FOXN3: variants seen among roughly 807,000 people sequenced by gnomAD.
The protein encoded by FOXN3 is forkhead box protein N3.
A neutral mutation model predicts 38.4 loss-of-function variants in FOXN3; 7 were observed. The observed-to-expected ratio is 0.18, with a 90% CI of 0.10 to 0.34. FOXN3 has a LOEUF of 0.34. Ranked by LOEUF, FOXN3 falls within the 10% of genes least tolerant of loss-of-function variation. The probability of loss-of-function intolerance (pLI) is 1.00; values close to 1 mark genes in which losing one functional copy is unlikely to be tolerated. For synonymous variants in FOXN3, 230 were observed against 242.2 expected (o/e 0.95, Z 0.47); for missense variants, 456 against 613.4 (o/e 0.74, Z 2.71).
intron 4 of FOXN3, among the ~76,000 whole-genome samples, chr14:89,257,337 G>A (rs1431066944): frequency 6.6e-6 from 1 of 152,220 alleles, no homozygotes; most frequent in African/African-American, 2.4e-5. Flanking sequence ...AAAGGAAATT[G>A]TATTCAAACC....
At chr14:89,475,646 C>A (rs923782989) in intron 1 of FOXN3, among the ~76,000 whole-genome samples, 2 of 152,062 alleles carry the variant, frequency 1.3e-5, no homozygotes, top group Non-Finnish European at 1.5e-5. Context: ...CAGAGTGAGA[C>A]CCTATCTCAA....
At chr14:89,203,658 T>C (rs949477667) in intron 4 of FOXN3, among the ~76,000 whole-genome samples, 9 of 152,138 alleles carry the variant, frequency 5.9e-5, no homozygotes, top group African/African-American at 2.2e-4. Context: ...AGCATGTGCA[T>C]GGGGCAGGCA....
intron 2 of FOXN3, among the ~76,000 whole-genome samples, chr14:89,381,160 A>C (rs1434745031): frequency 3.4e-5 from 5 of 144,966 alleles, no homozygotes; most frequent in Admixed American, 1.4e-4. Context: ...AAAAAAAAAA[A>C]AAAAAAAAAG....
chr14:89,202,691 G>A (rs750388220), intron 4 of FOXN3, among the ~76,000 whole-genome samples: 5 of 152,026 alleles, frequency 3.3e-5, no homozygotes, highest in Admixed American at 6.6e-5. Flanking sequence ...AAAGAGCCTG[G>A]CACCTCCCTC....
At chr14:89,240,250 T>C (rs1424496724) in intron 4 of FOXN3, among the ~76,000 whole-genome samples, 2 of 149,324 alleles carry the variant, frequency 1.3e-5, no homozygotes, top group Admixed American at 1.3e-4. Flanking sequence ...TTGGAAAATA[T>C]GATGTAACAA....
chr14:89,457,019 T>C (rs1892741099), intron 1 of FOXN3, among the ~76,000 whole-genome samples: 1 of 152,324 alleles, frequency 6.6e-6, no homozygotes, highest in African/African-American at 2.4e-5. Flanking sequence ...GTATCACCGT[T>C]ATTAATGATT....
intron 1 of FOXN3, among the ~76,000 whole-genome samples, chr14:89,487,914 T>C (rs1295311704): frequency 6.6e-6 from 1 of 152,024 alleles, no homozygotes; most frequent in African/African-American, 2.4e-5. Context: ...GACAGAATTT[T>C]AACAACAACA....
chr14:89,288,785 G>A (rs917516870), intron 3 of FOXN3, among the ~76,000 whole-genome samples: 16 of 127,464 alleles, frequency 1.3e-4, no homozygotes, highest in South Asian at 5.5e-4. Context: ...CACTGGGTCC[G>A]TAAGCATTAT....
intron 1 of FOXN3, among the ~76,000 whole-genome samples, chr14:89,536,545 G>C (rs1894691477): frequency 6.6e-6 from 1 of 152,220 alleles, no homozygotes; most frequent in Non-Finnish European, 1.5e-5. Flanking sequence ...ACTTTGGGAG[G>C]CCGAGGCGGG....
intron 1 of FOXN3, among the ~76,000 whole-genome samples, chr14:89,600,085 A>C (rs139983269): frequency 1.3e-5 from 2 of 152,280 alleles, no homozygotes; most frequent in African/African-American, 4.8e-5. Context: ...TTCCAAACTG[A>C]CTTTTTTTCT....
chr14:89,559,332 T>C (rs1895198954), intron 1 of FOXN3, among the ~76,000 whole-genome samples: 1 of 152,020 alleles, frequency 6.6e-6, no homozygotes, highest in Non-Finnish European at 1.5e-5. Context: ...TGAGCTTTGA[T>C]CACCACTGCA....
At chr14:89,552,268 A>G (rs1895019986) in intron 1 of FOXN3, among the ~76,000 whole-genome samples, 1 of 152,236 alleles carries the variant, frequency 6.6e-6, no homozygotes, top group Non-Finnish European at 1.5e-5. Context: ...AAGTGGGGCC[A>G]GAAAAATTCT....
chr14:89,311,147 A>G (rs537782689), intron 3 of FOXN3, among the ~76,000 whole-genome samples: 169 of 147,756 alleles, frequency 1.1e-3, no homozygotes, highest in Non-Finnish European at 2.2e-3. Flanking sequence ...AAAAAATCTT[A>G]TATCTTTTAA....
intron 4 of FOXN3, among the ~76,000 whole-genome samples, chr14:89,200,754 C>G (rs10140607): frequency 0.011 from 1,615 of 152,332 alleles, 28 homozygotes; most frequent in African/African-American, 0.037. Flanking sequence ...AACGCATCAC[C>G]TCCAGCCCTT....
chr14:89,584,714 C>CTTTTCTT (rs1244989949), intron 1 of FOXN3, among the ~76,000 whole-genome samples: 7 of 151,624 alleles, frequency 4.6e-5, no homozygotes, highest in Non-Finnish European at 1.0e-4. Context: ...CTTCTCTTTT[C>CTTTTCTT]TTTTCTTTTT....
chr14:89,475,907 C>A (rs1893200213), intron 1 of FOXN3, among the ~76,000 whole-genome samples: 1 of 152,142 alleles, frequency 6.6e-6, no homozygotes, highest in African/African-American at 2.4e-5. Flanking sequence ...GATCCAACAA[C>A]ACAGGGAAAA....
intron 5 of FOXN3, among the ~76,000 whole-genome samples, chr14:89,176,340 T>C (rs1220846566): frequency 6.6e-6 from 1 of 151,810 alleles, no homozygotes; most frequent in East Asian, 1.9e-4. Flanking sequence ...CAAACAAACA[T>C]GGCCTTTGCC....
At chr14:89,175,083 C>T (rs1042195180) in intron 5 of FOXN3, among the ~76,000 whole-genome samples, 4 of 152,314 alleles carry the variant, frequency 2.6e-5, no homozygotes, top group East Asian at 1.9e-4. Flanking sequence ...ACAGCTGATC[C>T]GGAGCAGAAC....
chr14:89,275,200 C>T (rs1886263828), intron 4 of FOXN3, among the ~76,000 whole-genome samples: 1 of 152,138 alleles, frequency 6.6e-6, no homozygotes, highest in Admixed American at 6.5e-5. Flanking sequence ...CCCTAAGATC[C>T]AAAGGACCTT....
Sources: allele counts gnomAD v4.1 joint callset (sites outside exome capture counted in the v4.1 genomes callset), GRCh38; gene constraint gnomAD v4.1.1; transcripts MANE v1.5; gene names NCBI Gene and HGNC (gene_info 2026-07-23, HGNC 2026-07-21).